The following PMF1 variants were observed in gnomAD, a reference collection of about 807,000 sequenced individuals.
PMF1 encodes polyamine modulated factor 1.
A neutral mutation model predicts 26.7 loss-of-function variants in PMF1; 21 were observed. The ratio of observed to expected loss-of-function variants is 0.79; its 90% confidence interval spans 0.56 to 1.13. The LOEUF is 1.13. Among genes scored for constraint, PMF1 ranks in the 50% most tolerant of loss-of-function variants. The pLI is 0.00. For missense variants in PMF1, 266 were observed against 254.9 expected, an observed-to-expected ratio of 1.04 and a Z score of -0.30; for synonymous variants, 105 against 101.0, an observed-to-expected ratio of 1.04 and a Z score of -0.24.
At chr1:156,232,458 A>C (rs1313707947) in intron 2 of PMF1, 33 bp downstream of exon 2, 1 of 1,605,532 alleles carries the variant, frequency 6.2e-7, no homozygotes, top group Non-Finnish European at 8.5e-7. Context: ...GGTGCTGTTG[A>C]CTTGGGTTCT....
At chr1:156,226,243 G>A (rs1448131910) in intron 1 of PMF1, among the ~76,000 whole-genome samples, 2 of 152,212 alleles carry the variant, frequency 1.3e-5, no homozygotes, top group African/African-American at 4.8e-5. Flanking sequence ...TGGGCTAAGT[G>A]ATCCTCCTGC....
intron 4 of PMF1, among the ~76,000 whole-genome samples, chr1:156,238,023 T>C (rs1267106482): frequency 6.6e-6 from 1 of 152,192 alleles, no homozygotes; most frequent in African/African-American, 2.4e-5. Context: ...CTGCCACAGC[T>C]TCCCAAAGTG....
At chr1:156,220,260 G>A (rs928824300) in intron 1 of PMF1, among the ~76,000 whole-genome samples, 18 of 151,270 alleles carry the variant, frequency 1.2e-4, no homozygotes, top group Admixed American at 3.3e-4. Context: ...CACCATGCCC[G>A]GCCTGCCCAT....
intron 1 of PMF1, among the ~76,000 whole-genome samples, chr1:156,229,123 T>G (rs1277155081): frequency 6.6e-6 from 1 of 152,116 alleles, no homozygotes; most frequent in Non-Finnish European, 1.5e-5. Context: ...TTAGCCAGGA[T>G]GGTCTCCATC....
chr1:156,216,298 GGA>G (rs1438118865), intron 1 of PMF1, among the ~76,000 whole-genome samples: 1 of 152,126 alleles, frequency 6.6e-6, no homozygotes, highest in Admixed American at 6.5e-5. Flanking sequence ...GGCTGAAGCA[GGA>G]GAATCGCTTG....
At chr1:156,232,513 A>G in intron 2 of PMF1, 88 bp downstream of exon 2, 1 of 1,273,962 alleles carries the variant, frequency 7.8e-7, no homozygotes, top group Non-Finnish European at 1.1e-6. Context: ...CCCACCCTCT[A>G]CACCTCTGTC....
intron 1 of PMF1, among the ~76,000 whole-genome samples, chr1:156,214,253 C>T (rs1421246868): frequency 2.0e-5 from 3 of 152,094 alleles, no homozygotes; most frequent in Admixed American, 6.6e-5. Context: ...GAGTTTTGCC[C>T]ATGATCCCAC....
At chr1:156,213,278 C>T in intron 1 of PMF1, 102 bp downstream of exon 1, 3 of 1,518,486 alleles carry the variant, frequency 2.0e-6, no homozygotes, top group East Asian at 2.4e-5. Flanking sequence ...CGTGGGTCCG[C>T]GTTGGGGGCG....
rs150671207 is a variant in PMF1, at chr1:156,217,487, A to T, written c.161+4311A>T. On this transcript the variant is annotated intron_variant, in intron 1 of 4. Coordinates refer to ENST00000368277, the MANE Select transcript of PMF1 (RefSeq NM_007221.4). ...ACGCTTGTAATCCCAGCACTTTGGG[A>T]GGCCGAGGTGGGTGGATCACTTGAG... Among the ~76,000 whole-genome samples, 390 of 152,228 alleles carry T rather than the reference A, an allele frequency of 2.6e-3. 5 individuals carry two copies. Among genetic ancestry groups the T allele is most frequent in the African/African-American group, 9.2e-3 (383 of 41,536 alleles).
At chr1:156,221,203 A>G (rs1658065083) in intron 1 of PMF1, among the ~76,000 whole-genome samples, 1 of 152,008 alleles carries the variant, frequency 6.6e-6, no homozygotes, top group Non-Finnish European at 1.5e-5. Context: ...GTGACTGTCC[A>G]TTGCTCCTCA....
At chr1:156,234,505 G>T (rs1391948435) in intron 3 of PMF1, among the ~76,000 whole-genome samples, 1 of 146,358 alleles carries the variant, frequency 6.8e-6, no homozygotes, top group Non-Finnish European at 1.5e-5. Context: ...GATCGATATT[G>T]TTTTTTTTTT....
chr1:156,234,407 G>A (rs1195819326), intron 3 of PMF1, among the ~76,000 whole-genome samples: 2 of 152,142 alleles, frequency 1.3e-5, no homozygotes, highest in Non-Finnish European at 2.9e-5. Context: ...GAATCACCAT[G>A]TACATCTTAC....
chr1:156,239,233 CT>C (rs1271776147), intron 4 of PMF1, among the ~76,000 whole-genome samples: 1 of 152,230 alleles, frequency 6.6e-6, no homozygotes, highest in East Asian at 1.9e-4. Context: ...AAGAAAGTTT[CT>C]CGCTAGAAAG....
chr1:156,235,569 G>C (rs2103128744), intron 3 of PMF1, among the ~76,000 whole-genome samples: 1 of 145,938 alleles, frequency 6.9e-6, no homozygotes, highest in East Asian at 2.0e-4. Flanking sequence ...AGCCTCCCAA[G>C]TAGCTGGGAC....
Position 156,225,307 on chromosome 1 carries a change from T to A in PMF1, c.162-7013T>A, listed in dbSNP as rs1189942000. 3.7e-3 allele frequency among the ~76,000 whole-genome samples: 543 copies of A among 146,906 alleles called. 2 individuals are homozygous for A. The highest frequency in any genetic ancestry group is 5.9e-3 in the Non-Finnish European group (395 of 67,136). On this transcript the variant is annotated intron_variant, in intron 1 of 4. Coordinates refer to ENST00000368277, the MANE Select transcript of PMF1 (RefSeq NM_007221.4). ...CTTTTTTTTTTTTTTTTTTTTTTTT[T>A]TAATTTCAGTAGTTTTTTGGGGAAC...
chr1:156,225,349 C>T (rs1276387677), intron 1 of PMF1, among the ~76,000 whole-genome samples: 4 of 123,302 alleles, frequency 3.2e-5, no homozygotes, highest in African/African-American at 1.2e-4. Flanking sequence ...TGTTTGGTTA[C>T]ATGGATAAGT....
chr1:156,238,681 C>A (rs139977885), intron 4 of PMF1, among the ~76,000 whole-genome samples: 1 of 152,178 alleles, frequency 6.6e-6, no homozygotes, highest in Non-Finnish European at 1.5e-5. Flanking sequence ...CCTGGATCTC[C>A]CTGGTCTTCT....
chr1:156,229,819 G>A (rs992905333), intron 1 of PMF1, among the ~76,000 whole-genome samples: 9 of 151,934 alleles, frequency 5.9e-5, no homozygotes, highest in African/African-American at 1.9e-4. Context: ...GTGATCCACC[G>A]GTCTCTGCCT....
In PMF1 at chr1:156,213,276, C is replaced by A. The variant is rs996062909; in HGVS notation, c.161+100C>A. 2.0e-6 allele frequency: 3 copies of A among 1,525,646 alleles called. No homozygotes were observed. The African/African-American group carries it at 4.1e-5, about 21-fold the overall frequency. 94.5% of individuals were successfully genotyped at this position (1,525,646 alleles called of 1,614,324 possible). A position where few individuals can be genotyped will look rare whatever the true frequency, so the allele number is the denominator to read the frequency against. On this transcript the variant is annotated intron_variant, in intron 1 of 4. Transcript: ENST00000368277. The stretch of plus-strand genomic sequence containing the variant: ...AGGCTGGCGCGCGGTGACGTGGGTC[C>A]GCGTTGGGGGCGGGGCAGTCGGACG...
Sources: gnomAD v4.1 joint callset for allele counts (sites outside exome capture counted in the v4.1 genomes callset) on GRCh38, gnomAD v4.1.1 for gene constraint, MANE v1.5 for transcripts, NCBI Gene and HGNC (gene_info 2026-07-23, HGNC 2026-07-21) for gene names.